GNB1: variants seen among roughly 807,000 people sequenced by gnomAD.
GNB1 encodes the protein G protein subunit beta 1.
Under a neutral mutation model 42.9 loss-of-function variants are expected in GNB1, and 2 were observed. The ratio of observed to expected loss-of-function variants is 0.05; its 90% CI spans 0.02 to 0.15. The LOEUF (loss-of-function observed/expected upper bound fraction) is 0.15, where lower values mean the gene tolerates loss of function less well. Among genes scored for constraint, GNB1 ranks in the 10% least tolerant of loss-of-function variants. The pLI is 1.00. For missense variants in GNB1, 193 were observed against 462.2 expected (o/e 0.42, Z 5.34); for synonymous variants, 183 against 174.7 (o/e 1.05, Z -0.38).
chr1:1,863,937 G>A (rs532723725), intron 1 of GNB1, among the ~76,000 whole-genome samples: 2 of 152,266 alleles, frequency 1.3e-5, no homozygotes, highest in Non-Finnish European at 2.9e-5. Context: ...ACTGGCTCAC[G>A]CCTGTAATCC....
chr1:1,883,706 G>A lies in GNB1; in HGVS notation c.-96+7114C>T. Among the ~76,000 whole-genome samples the A allele has an allele frequency of 2.0e-5, 3 of 152,190 alleles. 1 individual carries two copies. Among genetic ancestry groups the A allele is most frequent in the Admixed American group, 2.0e-4 (3 of 15,272 alleles). ...AATTAAGGCAGGCTCAGGGAGGACAGAAAGCTCCTGTGGAGTGGAAGGGTA... is the reference window on the plus strand; with the variant it reads ...AATTAAGGCAGGCTCAGGGAGGACAAAAAGCTCCTGTGGAGTGGAAGGGTA... On this transcript the variant is annotated intron_variant, in intron 1 of 11. Coordinates refer to ENST00000378609, the MANE Select transcript of GNB1 (RefSeq NM_002074.5).
In GNB1 at chr1:1,863,198, CA is replaced by C. The variant is rs1266735990; in HGVS notation, c.-95-23961del. On this transcript the variant is annotated intron_variant, in intron 1 of 11. Coordinates refer to ENST00000378609, the MANE Select transcript of GNB1 (RefSeq NM_002074.5). ...GGGCTGTAGAGGTTTTCCAACCAAA[CA>C]AATGAGTAACAGAGGCTCAGATGGG... is the stretch of plus-strand genomic sequence containing the variant. 2.0e-5 allele frequency among the ~76,000 whole-genome samples: 3 copies of C among 152,268 alleles called. No individual in the cohort carries two copies. In the East Asian group the frequency reaches 5.8e-4, roughly 29 times the overall value.
chr1:1,877,351 A>AC (rs906974308), intron 1 of GNB1, among the ~76,000 whole-genome samples: 22 of 150,370 alleles, frequency 1.5e-4, no homozygotes, highest in Admixed American at 3.3e-4. Flanking sequence ...ACAGAGTGGG[A>AC]CCCCCAATCC....
At chr1:1,806,801 CTG>C (rs1202344720) in intron 5 of GNB1, among the ~76,000 whole-genome samples, 1 of 152,178 alleles carries the variant, frequency 6.6e-6, no homozygotes, top group African/African-American at 2.4e-5. Flanking sequence ...TGGCGAAACC[CTG>C]TCTCTATTAA....
At chr1:1,839,944 CAA>C (rs1647202935) in intron 1 of GNB1, among the ~76,000 whole-genome samples, 1 of 151,500 alleles carries the variant, frequency 6.6e-6, no homozygotes, top group African/African-American at 2.4e-5. Context: ...AACCTGAGGT[CAA>C]GAGTTCGAGA....
At chr1:1,889,592 G>T (rs891834322) in intron 1 of GNB1, among the ~76,000 whole-genome samples, 1 of 150,194 alleles carries the variant, frequency 6.7e-6, no homozygotes, top group South Asian at 2.1e-4. Context: ...CGGGAGGATC[G>T]CTTGAGCCCC....
At chr1:1,809,875 C>T (rs1311432038) in intron 5 of GNB1, among the ~76,000 whole-genome samples, 3 of 152,120 alleles carry the variant, frequency 2.0e-5, no homozygotes, top group Non-Finnish European at 2.9e-5. Context: ...GGCCAGGAAG[C>T]AAGCTAACAG....
In GNB1 at chr1:1,790,838, C is replaced by CGTAG. The variant is rs563267162; in HGVS notation, c.498-243_498-242insCTAC. Among the ~76,000 whole-genome samples the CGTAG allele has an allele frequency of 2.8e-4, 42 of 152,308 alleles. No homozygotes were observed. The highest frequency in any genetic ancestry group is 9.4e-4 in the African/African-American group (39 of 41,572). On this transcript the variant is annotated intron_variant, in intron 8 of 11. Transcript: ENST00000378609. This position sits in a 1 kb window ranked among gnomAD's most constrained non-coding sequence, Gnocchi z 5.4. Reference sequence around the variant, plus strand: ...GGCCTGGGCTTCAGAATGACGGGATCGCTACCTCAACTCAAATGCCAGCAA... The same window carrying CGTAG: ...GGCCTGGGCTTCAGAATGACGGGATCGTAGGCTACCTCAACTCAAATGCCAGCAA...
intron 1 of GNB1, among the ~76,000 whole-genome samples, chr1:1,868,870 G>T (rs1265690359): frequency 4.0e-5 from 6 of 151,866 alleles, no homozygotes; most frequent in Non-Finnish European, 7.4e-5. Flanking sequence ...AAAATCTTCT[G>T]AAGTTAATTT....
chr1:1,814,408 AG>A lies in GNB1; in HGVS notation c.203+1347del, dbSNP rs200130207. On this transcript the variant is annotated intron_variant, in intron 5 of 11. Coordinates refer to ENST00000378609, the MANE Select transcript of GNB1 (RefSeq NM_002074.5). ...CTTTATTAAATTATTTAGATAGAAC[AG>A]GCACCAAATAAGACTTTGTAATAGC... Among the ~76,000 whole-genome samples the A allele has an allele frequency of 2.4e-3, 370 of 152,358 alleles. 10 individuals carry two copies. The highest frequency in any genetic ancestry group is 0.018 in the East Asian group (93 of 5,196).
chr1:1,827,031 G>A (rs1647008538), intron 2 of GNB1, among the ~76,000 whole-genome samples: 1 of 152,196 alleles, frequency 6.6e-6, no homozygotes, highest in Non-Finnish European at 1.5e-5. Context: ...AAATTACACA[G>A]AGGATCAATT....
intron 7 of GNB1, among the ~76,000 whole-genome samples, chr1:1,797,051 G>C (rs1003875529): frequency 2.0e-5 from 3 of 152,172 alleles, no homozygotes; most frequent in African/African-American, 7.2e-5. Flanking sequence ...TGCACACACT[G>C]CTCTACCCAG....
chr1:1,836,474 C>A (rs1647151983), intron 2 of GNB1, among the ~76,000 whole-genome samples: 3 of 149,510 alleles, frequency 2.0e-5, no homozygotes, highest in African/African-American at 7.4e-5. Flanking sequence ...TCACTGCAGC[C>A]TCAACATCCC....
intron 1 of GNB1, among the ~76,000 whole-genome samples, chr1:1,852,131 G>A (rs943437455): frequency 6.7e-6 from 1 of 149,584 alleles, no homozygotes; most frequent in African/African-American, 2.6e-5. Context: ...GATGCCAAAC[G>A]TTAGGAGCCA....
At chr1:1,879,534 G>A (rs1480623986) in intron 1 of GNB1, among the ~76,000 whole-genome samples, 1 of 151,940 alleles carries the variant, frequency 6.6e-6, no homozygotes, top group Non-Finnish European at 1.5e-5. Flanking sequence ...GTGAAACCCT[G>A]TCTCTACTAA....
At chr1:1,863,603 A>G (rs1648748686) in intron 1 of GNB1, among the ~76,000 whole-genome samples, 1 of 152,222 alleles carries the variant, frequency 6.6e-6, no homozygotes, top group Admixed American at 6.5e-5. Context: ...TACTCTGTTA[A>G]CTATAAAAGA....
At chr1:1,861,325 GA>G (rs542029735) in intron 1 of GNB1, among the ~76,000 whole-genome samples, 7 of 151,892 alleles carry the variant, frequency 4.6e-5, no homozygotes, top group African/African-American at 7.3e-5. Flanking sequence ...AAATTAACTG[GA>G]CATGGTGGTG....
chr1:1,788,104 G>GT (rs1646431368), intron 10 of GNB1: 4 of 152,108 alleles, frequency 2.6e-5, no homozygotes, highest in Non-Finnish European at 1.5e-5. Context: ...GGCATGAGCC[G>GT]TTTTTCCTTT....
chr1:1,871,210 G>T (rs35511469), intron 1 of GNB1, among the ~76,000 whole-genome samples: 20,537 of 152,080 alleles, frequency 0.14, 1,793 homozygotes, highest in Middle Eastern at 0.29. Context: ...CCAGCATTTT[G>T]GATAACATTA....
Sources: gnomAD v4.1 joint callset for allele counts (sites outside exome capture counted in the v4.1 genomes callset) on GRCh38, gnomAD v4.1.1 for gene constraint, Gnocchi (gnomAD v3.1) non-coding constraint, MANE v1.5 for transcripts, NCBI Gene and HGNC (gene_info 2026-07-23, HGNC 2026-07-21) for gene names.